The following SKIC3 variants were observed in gnomAD, a reference collection of about 807,000 sequenced individuals.
The protein encoded by SKIC3 is superkiller complex protein 3.
chr5:95,526,970 T>C, the SKIC3 span, among the ~76,000 whole-genome samples: 1 of 152,220 alleles, frequency 6.6e-6, no homozygotes, highest in South Asian at 2.1e-4. Context: ...TTCTTCATAG[T>C]TGGGTTCTTA....
chr5:95,504,276 T>C, the SKIC3 span, among the ~76,000 whole-genome samples: 1 of 149,520 alleles, frequency 6.7e-6, no homozygotes, highest in South Asian at 2.1e-4. Context: ...GCAGAGGTTG[T>C]AGTGAGCCGA....
chr5:95,552,603 A>G, the SKIC3 span, among the ~76,000 whole-genome samples: 1 of 152,144 alleles, frequency 6.6e-6, no homozygotes, highest in Non-Finnish European at 1.5e-5. Flanking sequence ...GGGAAAAACA[A>G]GCCACAGAAG....
At chr5:95,472,141 C>G in the SKIC3 span, among the ~76,000 whole-genome samples, 1 of 152,168 alleles carries the variant, frequency 6.6e-6, no homozygotes, top group East Asian at 1.9e-4. Context: ...TCTAGGTGGC[C>G]TTAGTGAACA....
At chr5:95,498,409 C>A in the SKIC3 span, 10 of 1,614,092 alleles carry the variant, frequency 6.2e-6, no homozygotes, top group African/African-American at 4.0e-5. Context: ...CACAGCCACA[C>A]TGCGGCCTTG....
At chr5:95,513,431 A>T in the SKIC3 span, 1 of 914,148 alleles carries the variant, frequency 1.1e-6, no homozygotes, top group Non-Finnish European at 1.7e-6. Context: ...GGCCTCAAGC[A>T]ATCCTCCTGC....
the SKIC3 span, among the ~76,000 whole-genome samples, chr5:95,472,078 C>G: frequency 1.3e-5 from 2 of 152,198 alleles, no homozygotes; most frequent in Non-Finnish European, 2.9e-5. Context: ...CTCTCCACAT[C>G]CTCTAGCAAT....
chr5:95,503,400 C>G, the SKIC3 span, among the ~76,000 whole-genome samples: 7 of 152,134 alleles, frequency 4.6e-5, no homozygotes, highest in Non-Finnish European at 1.0e-4. Flanking sequence ...GTGGGCTAAG[C>G]CCATATATGT....
chr5:95,524,377 A>G, the SKIC3 span: 8 of 1,551,266 alleles, frequency 5.2e-6, no homozygotes, highest in Non-Finnish European at 7.0e-6. Flanking sequence ...AGTTCAGTAA[A>G]GAGTAATTGT....
chr5:95,478,338 C>T, the SKIC3 span: 4 of 1,613,998 alleles, frequency 2.5e-6, no homozygotes, highest in South Asian at 4.4e-5. Flanking sequence ...GACTTGAGAG[C>T]TTCCCACTCC....
At chr5:95,481,558 C>G in the SKIC3 span, among the ~76,000 whole-genome samples, 1 of 152,072 alleles carries the variant, frequency 6.6e-6, no homozygotes, top group African/African-American at 2.4e-5. Flanking sequence ...TTTAGTTTGA[C>G]AATGTATTTC....
At chr5:95,498,440 T>C in the SKIC3 span, 1 of 1,614,080 alleles carries the variant, frequency 6.2e-7, no homozygotes, top group Admixed American at 1.7e-5. Context: ...ATCGCTGATG[T>C]AAGAAGGCAC....
chr5:95,469,666 T>C, the SKIC3 span: 11 of 1,448,538 alleles, frequency 7.6e-6, no homozygotes, highest in African/African-American at 1.4e-5. Context: ...CCCCCCAAAG[T>C]TTGTTAAATT....
chr5:95,501,085 C>A, the SKIC3 span, among the ~76,000 whole-genome samples: 2 of 151,956 alleles, frequency 1.3e-5, no homozygotes, highest in East Asian at 3.9e-4. Flanking sequence ...AGCAAATAAC[C>A]ACATGGCTAA....
chr5:95,493,044 C>G, the SKIC3 span, among the ~76,000 whole-genome samples: 24 of 152,242 alleles, frequency 1.6e-4, no homozygotes, highest in African/African-American at 5.3e-4. Flanking sequence ...ATCACAAAAG[C>G]ACTAATCTAG....
chr5:95,535,268 C>T, the SKIC3 span, among the ~76,000 whole-genome samples: 1 of 151,186 alleles, frequency 6.6e-6, no homozygotes, highest in Non-Finnish European at 1.5e-5. Context: ...AGGCAAAGGG[C>T]ATCTGCTTCT....
the SKIC3 span, among the ~76,000 whole-genome samples, chr5:95,492,518 T>TCC: frequency 2.8e-5 from 4 of 143,060 alleles, no homozygotes; most frequent in Non-Finnish European, 4.6e-5. Context: ...GCGCCTGTAG[T>TCC]CCCAGCTACT....
chr5:95,535,352 CCAGGCCGGAGTG>C, the SKIC3 span, among the ~76,000 whole-genome samples: 1 of 147,806 alleles, frequency 6.8e-6, no homozygotes, highest in Non-Finnish European at 1.5e-5. Context: ...GCTCTTTCGC[CCAGGCCGGAGTG>C]CAGTGGCGCT....
At chr5:95,491,543 TTTATA>T in the SKIC3 span, among the ~76,000 whole-genome samples, 1 of 152,200 alleles carries the variant, frequency 6.6e-6, no homozygotes, top group Non-Finnish European at 1.5e-5. Context: ...AAGTGAAGCA[TTTATA>T]TGACTATCTA....
the SKIC3 span, among the ~76,000 whole-genome samples, chr5:95,470,681 G>A: frequency 6.6e-6 from 1 of 151,872 alleles, no homozygotes; most frequent in African/African-American, 2.4e-5. Context: ...CAGAGATAAA[G>A]GTATTAAATC....
Sources: gnomAD v4.1 joint callset for allele counts (sites outside exome capture counted in the v4.1 genomes callset) on GRCh38, gnomAD v4.1.1 for gene constraint, MANE v1.5 for transcripts, NCBI Gene and HGNC (gene_info 2026-07-23, HGNC 2026-07-21) for gene names.